The following GNG4 variants were observed in gnomAD, a reference collection of about 807,000 sequenced individuals.
GNG4 encodes G protein subunit gamma 4, also known as guanine nucleotide-binding protein G(I)/G(S)/G(O) subunit gamma-4.
In GNG4, 4 loss-of-function variants were observed where a neutral mutation model predicts 5.8. The ratio of observed to expected loss-of-function variants is 0.69; its 90% CI spans 0.34 to 1.57. GNG4 has a LOEUF of 1.57. GNG4 is among the 40% of genes most tolerant of loss of function. The pLI, the probability that GNG4 is intolerant of heterozygous loss-of-function variation, is 0.06. For missense variants in GNG4, 96 were observed against 95.1 expected (o/e 1.01, Z -0.04); for synonymous variants, 29 against 32.9 (o/e 0.88, Z 0.41).
At chr1:235,580,684 A>G (rs114647745) in intron 3 of GNG4, among the ~76,000 whole-genome samples, 216 of 151,038 alleles carry the variant, frequency 1.4e-3, no homozygotes, top group African/African-American at 4.9e-3. Flanking sequence ...CCCCCTGAGG[A>G]ATCTTGCTTT....
At chr1:235,643,872 C>A (rs1657426595) in intron 1 of GNG4, among the ~76,000 whole-genome samples, 1 of 152,232 alleles carries the variant, frequency 6.6e-6, no homozygotes, top group African/African-American at 2.4e-5. Flanking sequence ...CAAACCCTAG[C>A]ACAAGGAGAG....
intron 1 of GNG4, among the ~76,000 whole-genome samples, chr1:235,602,444 C>A (rs1019635423): frequency 1.3e-5 from 2 of 152,172 alleles, no homozygotes; most frequent in Non-Finnish European, 2.9e-5. Flanking sequence ...GCCCCGTTAG[C>A]CTGGCTTCTT....
In GNG4 at chr1:235,598,611, C is replaced by A. The variant is rs186464656; in HGVS notation, c.-122-3100G>T. On this transcript the variant is annotated intron_variant, in intron 1 of 3. Coordinates refer to ENST00000391854, the MANE Select transcript of GNG4 (RefSeq NM_001098722.2). The stretch of plus-strand genomic sequence containing the variant: ...GCAACAGAGACCCTTTCTCAAAAAA[C>A]CCCAAAAATATAAAATTAAAAAAAT... Among the ~76,000 whole-genome samples the A allele has an allele frequency of 1.6e-3, 241 of 152,058 alleles. 4 individuals carry two copies. The East Asian group carries it at 0.04, about 25-fold the overall frequency.
At chr1:235,552,740 G>A (rs749415797) in intron 3 of GNG4, among the ~76,000 whole-genome samples, 14 of 152,074 alleles carry the variant, frequency 9.2e-5, no homozygotes, top group Non-Finnish European at 1.5e-4. Context: ...ATAAGCACAC[G>A]TTTTATTTTT....
intron 1 of GNG4, among the ~76,000 whole-genome samples, chr1:235,598,577 C>G (rs940076082): frequency 1.3e-5 from 2 of 152,104 alleles, no homozygotes; most frequent in African/African-American, 4.8e-5. Context: ...CTACTGCACT[C>G]CAGCCTGGGC....
chr1:235,575,731 C>T (rs1687467036), intron 3 of GNG4, among the ~76,000 whole-genome samples: 1 of 152,212 alleles, frequency 6.6e-6, no homozygotes, highest in Non-Finnish European at 1.5e-5. Flanking sequence ...TCTGTCCACC[C>T]CAGAGCCTCA....
Position 235,598,265 on chromosome 1 carries a change from A to G in GNG4, c.-122-2754T>C, listed in dbSNP as rs181046317. Among the ~76,000 whole-genome samples, 292 of 152,336 alleles carry G rather than the reference A, an allele frequency of 1.9e-3. 3 individuals are homozygous for G. The highest frequency in any genetic ancestry group is 2.3e-3 in the Non-Finnish European group (159 of 68,030). ...TAAAACCACTGCTCTATAGGCAACC[A>G]GAGCTTCTCAGACTTTGCTGTACAT... is the stretch of plus-strand genomic sequence containing the variant. On this transcript the variant is annotated intron_variant, in intron 1 of 3. Coordinates refer to ENST00000391854, the MANE Select transcript of GNG4 (RefSeq NM_001098722.2).
intron 3 of GNG4, among the ~76,000 whole-genome samples, chr1:235,579,648 C>T (rs1389848244): frequency 1.3e-5 from 2 of 151,718 alleles, no homozygotes; most frequent in African/African-American, 2.4e-5. Context: ...GTCAGGAGTT[C>T]GAGACCAGCC....
chr1:235,570,945 C>CAAACACAT (rs535079462), intron 3 of GNG4, among the ~76,000 whole-genome samples: 1 of 115,628 alleles, frequency 8.6e-6, no homozygotes, highest in Non-Finnish European at 1.7e-5. Context: ...CACACACACA[C>CAAACACAT]ATATATATAT....
intron 2 of GNG4, among the ~76,000 whole-genome samples, chr1:235,593,819 T>C (rs1232183842): frequency 6.6e-6 from 1 of 152,090 alleles, no homozygotes; most frequent in African/African-American, 2.4e-5. Flanking sequence ...CCGCAGACCT[T>C]CGTGGTGAGT....
Position 235,642,793 on chromosome 1 carries a change from C to G in GNG4, c.-123+6869G>C, listed in dbSNP as rs867660695. 6.6e-6 allele frequency among the ~76,000 whole-genome samples: 1 copy of G among 152,162 alleles called. No individual in the cohort carries two copies. The highest frequency in any genetic ancestry group is 1.5e-5 in the Non-Finnish European group (1 of 68,036). On this transcript the variant is annotated intron_variant, in intron 1 of 3. Coordinates refer to ENST00000391854, the MANE Select transcript of GNG4 (RefSeq NM_001098722.2). This position sits in a 1 kb window ranked among gnomAD's most constrained non-coding sequence, Gnocchi z 4.3. The stretch of plus-strand genomic sequence containing the variant: ...CTCGGATCACCCCAGGCAATCTCGC[C>G]CCTGTGGCTTCACCTGGGTCCAGCC...
chr1:235,645,828 T>A (rs1657495289), intron 1 of GNG4, among the ~76,000 whole-genome samples: 1 of 147,638 alleles, frequency 6.8e-6, no homozygotes, highest in African/African-American at 2.5e-5. Flanking sequence ...AAAAAGAATG[T>A]TTAAAAAGAG....
At chr1:235,588,263 G>T (rs1687874055) in intron 2 of GNG4, among the ~76,000 whole-genome samples, 1 of 151,964 alleles carries the variant, frequency 6.6e-6, no homozygotes, top group Admixed American at 6.6e-5. Flanking sequence ...TGACCCTCTG[G>T]GGGTTCCATC....
chr1:235,552,576 G>A (rs537461081), intron 3 of GNG4, among the ~76,000 whole-genome samples: 5 of 152,146 alleles, frequency 3.3e-5, no homozygotes, highest in East Asian at 1.9e-4. Flanking sequence ...TTGCTAAACC[G>A]TTTCTGGAAG....
rs565610400 is a variant in GNG4, at chr1:235,620,292, G to A, written c.-122-24781C>T. ...AGGCAGAAGAATTGCTTGAACCGGG[G>A]AGGTGGAGGTTGCGGTGAGCCGAGA... On this transcript the variant is annotated intron_variant, in intron 1 of 3. Coordinates refer to ENST00000391854, the MANE Select transcript of GNG4 (RefSeq NM_001098722.2). Among the ~76,000 whole-genome samples, 363 of 150,780 alleles carry A rather than the reference G, an allele frequency of 2.4e-3. 3 individuals carry two copies. The highest frequency in any genetic ancestry group is 8.4e-3 in the African/African-American group (346 of 41,060).
At chr1:235,557,462 G>A (rs186369265) in intron 3 of GNG4, among the ~76,000 whole-genome samples, 1 of 151,898 alleles carries the variant, frequency 6.6e-6, no homozygotes, top group East Asian at 1.9e-4. Context: ...CCCCGGCCCT[G>A]AGAAGTACAG....
intron 2 of GNG4, among the ~76,000 whole-genome samples, chr1:235,588,061 C>T (rs568746406): frequency 6.6e-6 from 1 of 152,026 alleles, no homozygotes; most frequent in African/African-American, 2.4e-5. Context: ...TCTCTCCCTC[C>T]CAGGCGCTGT....
chr1:235,553,105 G>A (rs1686797299), intron 3 of GNG4, among the ~76,000 whole-genome samples: 1 of 152,170 alleles, frequency 6.6e-6, no homozygotes, highest in South Asian at 2.1e-4. Flanking sequence ...GCGGAGAGAG[G>A]TGCTCCTGAC....
At chr1:235,573,304 T>G (rs1366097549) in intron 3 of GNG4, among the ~76,000 whole-genome samples, 1 of 116,234 alleles carries the variant, frequency 8.6e-6, no homozygotes, top group Non-Finnish European at 1.6e-5. Context: ...ATAGGGAACA[T>G]CACACACCGG....
Sources: gnomAD v4.1 joint callset for allele counts (sites outside exome capture counted in the v4.1 genomes callset) on GRCh38, gnomAD v4.1.1 for gene constraint, Gnocchi (gnomAD v3.1) non-coding constraint, MANE v1.5 for transcripts, NCBI Gene and HGNC (gene_info 2026-07-23, HGNC 2026-07-21) for gene names.